Variants in SPATA9 observed in about 807,000 individuals in gnomAD.
SPATA9 encodes spermatogenesis-associated protein 9.
In SPATA9, 27 loss-of-function variants were observed where a neutral mutation model predicts 25.5. The ratio of observed to expected loss-of-function variants is 1.06; its 90% confidence interval spans 0.78 to 1.46. The LOEUF (loss-of-function observed/expected upper bound fraction) is 1.46, where lower values mean the gene tolerates loss of function less well. Ranked by LOEUF, SPATA9 falls within the 40% of genes most tolerant of loss-of-function variation. The pLI is 0.00. For synonymous variants in SPATA9, 102 were observed against 105.7 expected (o/e 0.97, Z 0.21); for missense variants, 282 against 297.5 (o/e 0.95, Z 0.38).
chr5:95,663,159 ACAGT>A (rs1580290623), intron 4 of SPATA9, among the ~76,000 whole-genome samples: 1 of 152,242 alleles, frequency 6.6e-6, no homozygotes, highest in East Asian at 1.9e-4. Context: ...AAATGTTGAT[ACAGT>A]CAATCAGTTG....
chr5:95,721,242 A>C, the SPATA9 span, among the ~76,000 whole-genome samples: 8 of 152,186 alleles, frequency 5.3e-5, no homozygotes, highest in African/African-American at 1.9e-4. Flanking sequence ...GAAGTTTGAA[A>C]AGCTCTGCTT....
intron 3 of SPATA9, among the ~76,000 whole-genome samples, chr5:95,668,251 G>A (rs1029349402): frequency 6.6e-6 from 1 of 152,022 alleles, no homozygotes; most frequent in Non-Finnish European, 1.5e-5. Flanking sequence ...AATAAATTAT[G>A]TACTTGATAT....
chr5:95,699,189 T>C (rs181868108), upstream of SPATA9, among the ~76,000 whole-genome samples: 53 of 152,368 alleles, frequency 3.5e-4, no homozygotes, highest in African/African-American at 1.2e-3. Context: ...ATAATGATTG[T>C]AACCAGGCTA....
the SPATA9 span, among the ~76,000 whole-genome samples, chr5:95,710,801 A>G: frequency 4.6e-5 from 7 of 152,210 alleles, no homozygotes; most frequent in Admixed American, 3.3e-4. Context: ...ATGCTTTATC[A>G]GCAGCCTTTT....
In SPATA9 at chr5:95,688,050, G is replaced by T. The variant is rs1254951804; in HGVS notation, n.124+10538C>A. On this transcript the variant is annotated intron_variant and non_coding_transcript_variant, in intron 1 of 2. Coordinates refer to the SPATA9 transcript ENST00000379990. ...AAAAATAGAACTACTACTCGATCTG[G>T]CAATCCCACTACCATGTGTCCACCC... is the stretch of plus-strand genomic sequence containing the variant. Among the ~76,000 whole-genome samples the T allele has an allele frequency of 7.2e-5, 11 of 152,200 alleles. No homozygotes were observed. The East Asian group carries it at 1.7e-3, about 24-fold the overall frequency.
chr5:95,727,297 G>GAA, the SPATA9 span, among the ~76,000 whole-genome samples: 1 of 151,848 alleles, frequency 6.6e-6, no homozygotes, highest in Admixed American at 6.6e-5. Context: ...AACATAGTTG[G>GAA]AAAAAATCTT....
chr5:95,706,673 T>C, the SPATA9 span, among the ~76,000 whole-genome samples: 2 of 151,616 alleles, frequency 1.3e-5, no homozygotes, highest in African/African-American at 2.4e-5. Context: ...TTCTCATTCC[T>C]TTCATCATTT....
chr5:95,663,594 C>G (rs1168878632), intron 4 of SPATA9, among the ~76,000 whole-genome samples: 1 of 151,814 alleles, frequency 6.6e-6, no homozygotes, highest in Non-Finnish European at 1.5e-5. Context: ...ACACTAATAC[C>G]TGCGTTCCCC....
chr5:95,672,302 C>G (rs781048757), intron 3 of SPATA9, among the ~76,000 whole-genome samples: 1 of 152,020 alleles, frequency 6.6e-6, no homozygotes, highest in Non-Finnish European at 1.5e-5. Context: ...CCAGGCTTTC[C>G]CCTTATAAAG....
chr5:95,656,104 C>T (rs748865611), downstream of SPATA9: 6 of 1,613,594 alleles, frequency 3.7e-6, no homozygotes, highest in South Asian at 5.5e-5. Flanking sequence ...ATTACTTTGG[C>T]AACAGGAGAA....
the SPATA9 span, among the ~76,000 whole-genome samples, chr5:95,722,873 G>A: frequency 1.3e-5 from 2 of 152,162 alleles, no homozygotes; most frequent in Non-Finnish European, 2.9e-5. Flanking sequence ...TCAACCCTTC[G>A]AAAAATACTA....
intron 3 of SPATA9, among the ~76,000 whole-genome samples, chr5:95,668,053 T>G (rs2112591828): frequency 6.6e-6 from 1 of 152,304 alleles, no homozygotes; most frequent in South Asian, 2.1e-4. Flanking sequence ...CTATACAGCC[T>G]ACAGAACCAT....
the SPATA9 span, chr5:95,731,633 TGAGCCGCTGCTTTTCTCC>T: frequency 6.2e-7 from 1 of 1,611,478 alleles, no homozygotes; most frequent in Admixed American, 1.7e-5. Context: ...CGCGAAGCCG[TGAGCCGCTGCTTTTCTCC>T]GAGTCGCCGC....
Position 95,658,415 on chromosome 5 carries a change from T to A in SPATA9, c.*208A>T. 1 of 444,934 alleles carries A rather than the reference T, an allele frequency of 2.2e-6. No homozygotes were observed. The highest frequency in any genetic ancestry group is 5.7e-5 in the South Asian group (1 of 17,472). The allele number at this position is 444,934 out of a possible 1,614,324, so 27.6% of individuals were successfully genotyped here. A position where few individuals can be genotyped will look rare whatever the true frequency, so the allele number is the denominator to read the frequency against. ...TGGATTTTCTTGTTCATTAAAAGTA[T>A]GTAGTCAGTACATATATTCCACATC... is the stretch of plus-strand genomic sequence containing the variant. On this transcript the variant is annotated 3_prime_UTR_variant, in exon 5 of 5. Coordinates refer to ENST00000274432, the MANE Select transcript of SPATA9 (RefSeq NM_031952.4).
At chr5:95,700,391 C>T (rs917804763), upstream of SPATA9, among the ~76,000 whole-genome samples, 1 of 152,108 alleles carries the variant, frequency 6.6e-6, no homozygotes, top group African/African-American at 2.4e-5. Context: ...CCTCCACCTC[C>T]CAGGTTCAAG....
chr5:95,655,584 T>A, downstream of SPATA9: 1 of 153,530 alleles, frequency 6.5e-6, no homozygotes, highest in East Asian at 1.9e-4. Context: ...ACCAAGACAG[T>A]TAAAAAGTTG....
At chr5:95,656,214 G>T (rs780581345), downstream of SPATA9, 3 of 1,613,802 alleles carry the variant, frequency 1.9e-6, no homozygotes, top group South Asian at 2.2e-5. Flanking sequence ...AGTAGACAAC[G>T]GAAATATTTA....
chr5:95,709,792 G>A, the SPATA9 span, among the ~76,000 whole-genome samples: 3 of 152,176 alleles, frequency 2.0e-5, no homozygotes, highest in Non-Finnish European at 4.4e-5. Context: ...CTTTTCTTCT[G>A]GCAAGTTTTT....
chr5:95,683,721 T>G (rs1753634425), upstream of SPATA9, among the ~76,000 whole-genome samples: 1 of 152,140 alleles, frequency 6.6e-6, no homozygotes. Flanking sequence ...GCATTTTTAG[T>G]AGAGACGGGG....
Sources: gnomAD v4.1 joint callset for allele counts (sites outside exome capture counted in the v4.1 genomes callset) on GRCh38, gnomAD v4.1.1 for gene constraint, MANE v1.5 for transcripts, NCBI Gene and HGNC (gene_info 2026-07-23, HGNC 2026-07-21) for gene names.